RELCH: variants seen among roughly 807,000 people sequenced by gnomAD.
The protein encoded by RELCH is RAB11 binding and LisH domain, coiled-coil and HEAT repeat containing.
Under a neutral mutation model 150.3 loss-of-function variants are expected in RELCH, and 41 were observed. The ratio of observed to expected loss-of-function variants is 0.27; its 90% CI spans 0.21 to 0.35. The LOEUF is 0.35. Among genes scored for constraint, RELCH ranks in the 10% least tolerant of loss-of-function variants. The probability of loss-of-function intolerance (pLI) is 1.00; values close to 1 mark genes in which losing one functional copy is unlikely to be tolerated. For missense variants in RELCH, 1,092 were observed against 1,467.8 expected (o/e 0.74, Z 4.18); for synonymous variants, 478 against 531.8 (o/e 0.90, Z 1.39).
intron 2 of RELCH, among the ~76,000 whole-genome samples, chr18:62,214,492 G>A (rs943352231): frequency 6.6e-6 from 1 of 152,166 alleles, no homozygotes; most frequent in African/African-American, 2.4e-5. Context: ...CCTGCAAGCT[G>A]GTAGCTCTGC....
chr18:62,204,575 C>T (rs968316026), intron 1 of RELCH, among the ~76,000 whole-genome samples: 2 of 152,164 alleles, frequency 1.3e-5, no homozygotes, highest in African/African-American at 4.8e-5. Context: ...AGTCCCCCGC[C>T]TCAGCCTCCC....
intron 26 of RELCH, 104 bp downstream of exon 26, chr18:62,287,571 A>T (rs2044877654): frequency 1.4e-6 from 1 of 709,146 alleles, no homozygotes; most frequent in African/African-American, 1.9e-5. Context: ...TTCAACTTAC[A>T]TTAAGCGTTG....
At chr18:62,255,360 G>A (rs1600103409) in intron 12 of RELCH, 47 bp from the exon 13 acceptor site, 1 of 1,193,224 alleles carries the variant, frequency 8.4e-7, no homozygotes, top group Non-Finnish European at 1.2e-6. Flanking sequence ...TTGAAGGAAG[G>A]GAGGGTATGC....
At chr18:62,188,896 T>A (rs1002195657) in intron 1 of RELCH, among the ~76,000 whole-genome samples, 3 of 152,222 alleles carry the variant, frequency 2.0e-5, no homozygotes, top group African/African-American at 7.2e-5. Context: ...CCCTTACTAA[T>A]GTATGGAGAT....
chr18:62,248,030 G>T (rs896229978), intron 11 of RELCH, among the ~76,000 whole-genome samples: 1 of 151,994 alleles, frequency 6.6e-6, no homozygotes, highest in African/African-American at 2.4e-5. Flanking sequence ...TGACTTTTCT[G>T]TAAAATGTTT....
intron 23 of RELCH, among the ~76,000 whole-genome samples, 171 bp downstream of exon 23, chr18:62,280,027 T>C (rs1185064650): frequency 6.6e-6 from 1 of 152,216 alleles, no homozygotes; most frequent in Non-Finnish European, 1.5e-5. Context: ...CATGGTTCTT[T>C]TTAAATCAAC....
chr18:62,192,718 A>G (rs1438890651), intron 1 of RELCH, among the ~76,000 whole-genome samples: 1 of 152,054 alleles, frequency 6.6e-6, no homozygotes, highest in Admixed American at 6.6e-5. Context: ...TTATTTCTGA[A>G]TGCTCTCTTC....
intron 22 of RELCH, 21 bp from the exon 23 acceptor site, chr18:62,279,753 C>T (rs531979919): frequency 6.0e-6 from 9 of 1,497,330 alleles, no homozygotes; most frequent in African/African-American, 5.5e-5. Flanking sequence ...CCTGTGAATA[C>T]CCCCTGTGCT....
intron 1 of RELCH, among the ~76,000 whole-genome samples, chr18:62,191,572 TC>T (rs532587091): frequency 2.6e-4 from 39 of 152,170 alleles, no homozygotes; most frequent in African/African-American, 8.7e-4. Flanking sequence ...CCTGATACTC[TC>T]CCCCTCACCC....
intron 10 of RELCH, among the ~76,000 whole-genome samples, chr18:62,233,620 T>C (rs2041714802): frequency 6.6e-6 from 1 of 151,998 alleles, no homozygotes; most frequent in South Asian, 2.1e-4. Flanking sequence ...TCTTGAAGGA[T>C]CAGTGTCCAA....
chr18:62,221,908 A>G (rs1375787365), intron 5 of RELCH, among the ~76,000 whole-genome samples: 1 of 151,994 alleles, frequency 6.6e-6, no homozygotes, highest in Non-Finnish European at 1.5e-5. Flanking sequence ...AGTATTTAAG[A>G]GAGTATATTG....
chr18:62,289,820 G>A (rs563787265), intron 26 of RELCH, among the ~76,000 whole-genome samples: 1 of 152,252 alleles, frequency 6.6e-6, no homozygotes, highest in South Asian at 2.1e-4. Flanking sequence ...GAAAAGGTAG[G>A]CCCCCAACAG....
chr18:62,294,863 T>G (rs576659649), intron 27 of RELCH, among the ~76,000 whole-genome samples: 1 of 152,250 alleles, frequency 6.6e-6, no homozygotes, highest in Non-Finnish European at 1.5e-5. Context: ...AGTATGTTTT[T>G]TGAACCGTTC....
intron 15 of RELCH, among the ~76,000 whole-genome samples, chr18:62,260,565 A>T (rs377717249): frequency 1.3e-5 from 2 of 151,940 alleles, no homozygotes; most frequent in African/African-American, 4.8e-5. Flanking sequence ...GGAAGTCAGT[A>T]TATTGAAAAG....
chr18:62,275,753 CTT>C (rs1013919800), intron 22 of RELCH, among the ~76,000 whole-genome samples: 17 of 152,020 alleles, frequency 1.1e-4, no homozygotes, highest in East Asian at 3.8e-4. Flanking sequence ...TAATTTCTAA[CTT>C]ATATAACTCT....
At chr18:62,200,300 T>C (rs1178085644) in intron 1 of RELCH, among the ~76,000 whole-genome samples, 1 of 152,212 alleles carries the variant, frequency 6.6e-6, no homozygotes, top group Non-Finnish European at 1.5e-5. Context: ...TTCATAAGCT[T>C]CCTTAAGGCA....
At chr18:62,216,202 C>T (rs971584992) in intron 2 of RELCH, among the ~76,000 whole-genome samples, 6 of 151,992 alleles carry the variant, frequency 3.9e-5, no homozygotes, top group East Asian at 1.9e-4. Flanking sequence ...GCATCTGCTA[C>T]GTGTTAGGTA....
intron 11 of RELCH, among the ~76,000 whole-genome samples, chr18:62,248,534 A>T (rs1307427695): frequency 6.6e-6 from 1 of 152,160 alleles, no homozygotes; most frequent in African/African-American, 2.4e-5. Flanking sequence ...CATTTGTTTT[A>T]GTTACCTTTG....
At chr18:62,248,663 TA>T (rs2042545321) in intron 11 of RELCH, among the ~76,000 whole-genome samples, 1 of 152,190 alleles carries the variant, frequency 6.6e-6, no homozygotes, top group Non-Finnish European at 1.5e-5. Flanking sequence ...TATGCTTTAT[TA>T]AAAAATGTTT....
Sources: gnomAD v4.1 joint callset for allele counts (sites outside exome capture counted in the v4.1 genomes callset) on GRCh38, gnomAD v4.1.1 for gene constraint, MANE v1.5 for transcripts, NCBI Gene and HGNC (gene_info 2026-07-23, HGNC 2026-07-21) for gene names.